Variants in UNC5D observed in about 807,000 individuals in gnomAD.
The protein encoded by UNC5D is unc-5 netrin receptor D.
A neutral mutation model predicts 105.4 loss-of-function variants in UNC5D; 39 were observed. That is an observed-to-expected ratio of 0.37 (90% CI 0.29 to 0.48). The LOEUF (loss-of-function observed/expected upper bound fraction) is 0.48. UNC5D is among the 20% of genes least tolerant of loss of function. The pLI, the probability that UNC5D is intolerant of heterozygous loss-of-function variation, is 0.98. For missense variants in UNC5D, 991 were observed against 1,202.4 expected (o/e 0.82, Z 2.60); for synonymous variants, 452 against 450.4 (o/e 1.00, Z -0.04).
At chr8:35,348,582 A>G (rs976087879) in intron 1 of UNC5D, among the ~76,000 whole-genome samples, 1 of 151,908 alleles carries the variant, frequency 6.6e-6, no homozygotes, top group Non-Finnish European at 1.5e-5. Flanking sequence ...TAAGACTACA[A>G]TGAAATATCA....
chr8:35,394,814 GA>G (rs1358082992), intron 1 of UNC5D, among the ~76,000 whole-genome samples: 2 of 152,172 alleles, frequency 1.3e-5, no homozygotes, highest in Non-Finnish European at 2.9e-5. Flanking sequence ...CTTATTGCAA[GA>G]AATCTTGACA....
chr8:35,281,763 G>A (rs1806192988), intron 1 of UNC5D, among the ~76,000 whole-genome samples: 1 of 152,100 alleles, frequency 6.6e-6, no homozygotes, highest in South Asian at 2.1e-4. Flanking sequence ...TCATTACGAT[G>A]GGAAATAAAT....
At chr8:35,748,235 C>G (rs900190396) in intron 11 of UNC5D, among the ~76,000 whole-genome samples, 8 of 152,188 alleles carry the variant, frequency 5.3e-5, no homozygotes, top group Admixed American at 3.3e-4. Flanking sequence ...CATGACCCAC[C>G]AGCCAGGTCT....
Position 35,248,798 on chromosome 8 carries a change from A to T in UNC5D, c.103+12911A>T, listed in dbSNP as rs1253211896. ...ATAAATATATAAAATATAATATATA[A>T]AAATATAATATATAATATATATAAT... On this transcript the variant is annotated intron_variant, in intron 1 of 16. Transcript: ENST00000404895. Among the ~76,000 whole-genome samples, 3 of 98,614 alleles carry T rather than the reference A, an allele frequency of 3.0e-5. No homozygotes were observed. In the East Asian group the frequency reaches 9.8e-4, roughly 32 times the overall value. 64.7% of individuals were successfully genotyped at this position (98,614 alleles called of 152,430 possible). A position where few individuals can be genotyped will look rare whatever the true frequency, so the allele number is the denominator to read the frequency against.
intron 4 of UNC5D, among the ~76,000 whole-genome samples, chr8:35,612,783 T>TA (rs1393375060): frequency 6.7e-6 from 1 of 149,910 alleles, no homozygotes; most frequent in Non-Finnish European, 1.5e-5. Flanking sequence ...AAAGGTTTTG[T>TA]AAAAAAAGGT....
chr8:35,399,448 T>A, intron 1 of UNC5D, among the ~76,000 whole-genome samples: 1 of 152,198 alleles, frequency 6.6e-6, no homozygotes, highest in African/African-American at 2.4e-5. Context: ...TTATATTCTC[T>A]AGAGATAGAA....
intron 1 of UNC5D, among the ~76,000 whole-genome samples, chr8:35,250,246 G>C (rs2128811034): frequency 6.6e-6 from 1 of 152,216 alleles, no homozygotes; most frequent in South Asian, 2.1e-4. Context: ...TCAGTGGGAA[G>C]GACCCAGGGT....
intron 1 of UNC5D, among the ~76,000 whole-genome samples, chr8:35,301,934 A>T (rs1351403487): frequency 6.6e-6 from 1 of 152,200 alleles, no homozygotes; most frequent in African/African-American, 2.4e-5. Flanking sequence ...CTCTTGATGC[A>T]AAGTAAGTCT....
intron 2 of UNC5D, among the ~76,000 whole-genome samples, chr8:35,562,915 T>C (rs1202383788): frequency 1.3e-5 from 2 of 152,124 alleles, no homozygotes; most frequent in Non-Finnish European, 1.5e-5. Context: ...TTCAATGTTT[T>C]CTTTGAGTGA....
intron 4 of UNC5D, among the ~76,000 whole-genome samples, chr8:35,638,945 A>G (rs1430974095): frequency 2.0e-5 from 3 of 152,220 alleles, no homozygotes; most frequent in African/African-American, 7.2e-5. Context: ...AATAAGTTAT[A>G]CCTACATTGG....
At chr8:35,574,718 A>G (rs1003909077) in intron 3 of UNC5D, among the ~76,000 whole-genome samples, 5 of 152,152 alleles carry the variant, frequency 3.3e-5, no homozygotes, top group Admixed American at 2.0e-4. Flanking sequence ...ATCTAGGCAC[A>G]TCTTCCTGGC....
intron 1 of UNC5D, among the ~76,000 whole-genome samples, chr8:35,351,307 T>C (rs936248947): frequency 2.6e-5 from 4 of 152,042 alleles, no homozygotes; most frequent in African/African-American, 9.7e-5. Context: ...TTTAAAACTA[T>C]TATGTACCTT....
chr8:35,726,457 C>T lies in UNC5D; in HGVS notation c.1609C>T (p.Pro537Ser). 6.2e-7 allele frequency: 1 copy of T among 1,614,088 alleles called. No individual in the cohort carries two copies. Among genetic ancestry groups the T allele is most frequent in the Non-Finnish European group, 8.5e-7 (1 of 1,180,016 alleles). The change falls in exon 10 of 17, where the codon CCC becomes TCC. Residue 537 changes from proline (P) to serine (S), a missense_variant. Pro to Ser is a moderately conservative substitution (Grantham distance 74). This residue lies in a region of UNC5D where 944 missense variants were observed against 1,131.6 expected (regional missense o/e 0.83). Coordinates refer to ENST00000404895, the MANE Select transcript of UNC5D (RefSeq NM_080872.4). ...MPYIQNLSSLPTRTELRTTGV... is the reference protein window; with the variant it reads ...MPYIQNLSSLSTRTELRTTGV... ...CTACATCCAAAATCTGTCATCACTCCCCACAAGGACAGAACTGAGGACAAC... is the reference window on the plus strand; with the variant it reads ...CTACATCCAAAATCTGTCATCACTCTCCACAAGGACAGAACTGAGGACAAC...
chr8:35,393,166 G>GCT (rs1563373011), intron 1 of UNC5D, among the ~76,000 whole-genome samples: 1 of 112,720 alleles, frequency 8.9e-6, no homozygotes, highest in East Asian at 2.6e-4. Flanking sequence ...ACGGAGTCTC[G>GCT]CTGTCGCCCA....
intron 1 of UNC5D, among the ~76,000 whole-genome samples, chr8:35,305,585 C>CTTTCTTTCTTTCTTTCA (rs1808295347): frequency 2.1e-5 from 2 of 95,226 alleles, no homozygotes; most frequent in Admixed American, 1.1e-4. Context: ...CTTTTTCTTT[C>CTTTCTTTCTTTCTTTCA]TTTCTTTCTT....
chr8:35,244,857 T>A (rs988331087), intron 1 of UNC5D, among the ~76,000 whole-genome samples: 1 of 151,866 alleles, frequency 6.6e-6, no homozygotes, highest in African/African-American at 2.4e-5. Flanking sequence ...GCACATTTTT[T>A]TTTTTAAAGT....
chr8:35,493,281 CAAAA>C (rs35199794), intron 1 of UNC5D, among the ~76,000 whole-genome samples: 4 of 67,154 alleles, frequency 6.0e-5, no homozygotes, highest in Admixed American at 1.8e-4. Context: ...AGTCTGTGAC[CAAAA>C]AAAAAAAAAA....
intron 3 of UNC5D, among the ~76,000 whole-genome samples, chr8:35,581,111 G>A (rs1225095128): frequency 6.6e-6 from 1 of 152,100 alleles, no homozygotes; most frequent in Non-Finnish European, 1.5e-5. Context: ...CCTCATCTCT[G>A]GAAGGAGGGC....
At chr8:35,741,141 T>C (rs1336601013) in intron 11 of UNC5D, among the ~76,000 whole-genome samples, 2 of 152,206 alleles carry the variant, frequency 1.3e-5, no homozygotes, top group East Asian at 1.9e-4. Flanking sequence ...TTAAATTGTG[T>C]CTAGGAACTG....
Sources: gnomAD v4.1 joint callset for allele counts (sites outside exome capture counted in the v4.1 genomes callset) on GRCh38, gnomAD v4.1.1 for gene constraint, gnomAD v4.1.1 regional missense constraint, MANE v1.5 for transcripts, NCBI Gene and HGNC (gene_info 2026-07-23, HGNC 2026-07-21) for gene names.